Variants in SAMD12 observed in about 807,000 individuals in gnomAD.
The protein encoded by SAMD12 is sterile alpha motif domain containing 12.
SAMD12 carries 9 observed loss-of-function variants against 15.0 expected under a neutral mutation model. That is an observed-to-expected ratio of 0.60 (90% CI 0.36 to 1.05). SAMD12 has a LOEUF of 1.05. Among genes scored for constraint, SAMD12 ranks in the 50% least tolerant of loss-of-function variants. The probability of loss-of-function intolerance (pLI) is 0.01; values close to 1 mark genes in which losing one functional copy is unlikely to be tolerated. For synonymous variants in SAMD12, 86 were observed against 90.1 expected (o/e 0.96, Z 0.25); for missense variants, 230 against 234.2 (o/e 0.98, Z 0.12).
intron 4 of SAMD12, among the ~76,000 whole-genome samples, chr8:118,239,676 G>A (rs1055493307): frequency 2.0e-5 from 3 of 152,068 alleles, no homozygotes; most frequent in Non-Finnish European, 2.9e-5. Context: ...TTGGGATCTC[G>A]ATATGTGGGC....
the SAMD12 span, among the ~76,000 whole-genome samples, chr8:118,157,333 A>G: frequency 2.0e-5 from 3 of 152,156 alleles, no homozygotes; most frequent in Non-Finnish European, 4.4e-5. Flanking sequence ...ACTCTTCATC[A>G]GTAAAATGAA....
At chr8:118,495,261 T>C (rs373534087) in intron 2 of SAMD12, among the ~76,000 whole-genome samples, 4 of 152,260 alleles carry the variant, frequency 2.6e-5, no homozygotes, top group East Asian at 3.9e-4. Context: ...TAGGACTGAC[T>C]TGAATCTTGG....
At chr8:118,323,522 G>A (rs1444101518) in intron 4 of SAMD12, among the ~76,000 whole-genome samples, 2 of 152,100 alleles carry the variant, frequency 1.3e-5, no homozygotes, top group African/African-American at 2.4e-5. Context: ...AGCACTTTGG[G>A]AGGCCGAGTT....
intron 4 of SAMD12, among the ~76,000 whole-genome samples, chr8:118,354,301 T>C (rs1378524591): frequency 1.3e-5 from 2 of 152,220 alleles, no homozygotes; most frequent in African/African-American, 4.8e-5. Flanking sequence ...ACATGTAAAG[T>C]AGAGGAATGG....
chr8:118,500,831 T>A (rs1216161878), intron 2 of SAMD12, among the ~76,000 whole-genome samples: 1 of 152,152 alleles, frequency 6.6e-6, no homozygotes, highest in Non-Finnish European at 1.5e-5. Context: ...CAATTGTTCC[T>A]TCATCTATGA....
At chr8:118,205,125 T>C in intron 4 of SAMD12, among the ~76,000 whole-genome samples, 1 of 152,202 alleles carries the variant, frequency 6.6e-6, no homozygotes, top group East Asian at 1.9e-4. Flanking sequence ...AAGGGATAAT[T>C]CACTCTTTCT....
intron 4 of SAMD12, among the ~76,000 whole-genome samples, chr8:118,370,037 A>G (rs975974351): frequency 1.3e-5 from 2 of 152,204 alleles, no homozygotes; most frequent in African/African-American, 4.8e-5. Context: ...TCTAATATCC[A>G]GAATCTATAA....
intron 1 of SAMD12, among the ~76,000 whole-genome samples, chr8:118,618,042 T>TAA (rs112337429): frequency 4.8e-5 from 5 of 104,990 alleles, no homozygotes; most frequent in Admixed American, 9.8e-5. Flanking sequence ...TTTTTTTTTT[T>TAA]AAAAAAAGGC....
intron 2 of SAMD12, among the ~76,000 whole-genome samples, chr8:118,553,765 C>A (rs62531927): frequency 0.23 from 34,249 of 147,534 alleles, 5,281 homozygotes; most frequent in African/African-American, 0.44. Flanking sequence ...ATGGGAGAAA[C>A]TTTTCGCAAC....
chr8:118,470,257 TAA>T lies in SAMD12; in HGVS notation c.193-30298_193-30297del, dbSNP rs58224508. Among the ~76,000 whole-genome samples the T allele has an allele frequency of 8.6e-3, 1,238 of 143,234 alleles. 13 individuals carry two copies. Among genetic ancestry groups the T allele is most frequent in the African/African-American group, 0.025 (892 of 35,452 alleles). The allele number at this position is 143,234 out of a possible 152,430, so 94.0% of individuals were successfully genotyped here. ...CAATATGTTATCTTTTTTTTTTTTT[TAA>T]AAAAAAAGGAGGTTTATGTTCATGT... is the stretch of plus-strand genomic sequence containing the variant. On this transcript the variant is annotated intron_variant, in intron 2 of 3. Coordinates refer to ENST00000314727, the MANE Select transcript of SAMD12 (RefSeq NM_207506.3).
rs919237615 is a variant in SAMD12, at chr8:118,428,636, C to T, written c.322+11196G>A. On this transcript the variant is annotated intron_variant, in intron 3 of 3. Transcript: ENST00000314727. ...AGTGTGATGCAGGAGTTGAAGTTCA[C>T]TTATCTTACTAAATGAAGTTCATTT... 4.6e-5 allele frequency among the ~76,000 whole-genome samples: 7 copies of T among 152,064 alleles called. No individual in the cohort carries two copies. The East Asian group carries it at 1.2e-3, about 25-fold the overall frequency.
At chr8:118,602,389 A>T (rs1335151591) in intron 1 of SAMD12, among the ~76,000 whole-genome samples, 2 of 152,216 alleles carry the variant, frequency 1.3e-5, no homozygotes, top group Non-Finnish European at 2.9e-5. Context: ...TGTGCACCAG[A>T]CATTCTTCTA....
chr8:118,366,426 T>C (rs1050583248), intron 4 of SAMD12, among the ~76,000 whole-genome samples: 13 of 152,194 alleles, frequency 8.5e-5, no homozygotes, highest in African/African-American at 2.9e-4. Flanking sequence ...ATCCCTAACA[T>C]ACAGCATATA....
chr8:118,226,291 C>T (rs1812187018), intron 4 of SAMD12, among the ~76,000 whole-genome samples: 1 of 152,180 alleles, frequency 6.6e-6, no homozygotes, highest in African/African-American at 2.4e-5. Flanking sequence ...TCATATTACA[C>T]TATTGCCTGG....
At chr8:118,504,285 G>GA (rs1177395200) in intron 2 of SAMD12, among the ~76,000 whole-genome samples, 1 of 152,134 alleles carries the variant, frequency 6.6e-6, no homozygotes, top group Non-Finnish European at 1.5e-5. Context: ...GAAGCCCGGA[G>GA]AAAAACAACA....
At chr8:118,229,113 A>G (rs568395496) in intron 4 of SAMD12, among the ~76,000 whole-genome samples, 2 of 152,222 alleles carry the variant, frequency 1.3e-5, no homozygotes, top group African/African-American at 4.8e-5. Flanking sequence ...GAATGATGCA[A>G]TGGACTTTAG....
At chr8:118,580,966 T>A in intron 1 of SAMD12, 73 bp from the exon 2 acceptor site, 1 of 1,228,992 alleles carries the variant, frequency 8.1e-7, no homozygotes, top group Non-Finnish European at 1.1e-6. Context: ...AAAATATTCA[T>A]CAAGCCTAAG....
intron 4 of SAMD12, among the ~76,000 whole-genome samples, chr8:118,206,932 G>A (rs765676356): frequency 1.3e-5 from 2 of 152,206 alleles, no homozygotes; most frequent in East Asian, 1.9e-4. Context: ...GTGGTAGAAT[G>A]TCGGGACTAT....
chr8:118,146,168 A>T, the SAMD12 span, among the ~76,000 whole-genome samples: 1 of 152,342 alleles, frequency 6.6e-6, no homozygotes, highest in South Asian at 2.1e-4. Flanking sequence ...TGCCTGGATT[A>T]TAAGTAGGAG....
Sources: allele counts gnomAD v4.1 joint callset (sites outside exome capture counted in the v4.1 genomes callset), GRCh38; gene constraint gnomAD v4.1.1; transcripts MANE v1.5; gene names NCBI Gene and HGNC (gene_info 2026-07-23, HGNC 2026-07-21).